The following RAD54B variants were observed in gnomAD, a reference collection of about 807,000 sequenced individuals.
RAD54B encodes the protein RAD54 homolog B, also known as DNA repair and recombination protein RAD54B.
RAD54B carries 78 observed loss-of-function variants against 95.8 expected under a neutral mutation model. The ratio of observed to expected loss-of-function variants is 0.81; its 90% CI spans 0.68 to 0.98. The LOEUF is 0.98. RAD54B is among the 50% of genes least tolerant of loss of function. The probability of loss-of-function intolerance (pLI) is 0.00; values close to 1 mark genes in which losing one functional copy is unlikely to be tolerated. For synonymous variants in RAD54B, 328 were observed against 354.9 expected, an observed-to-expected ratio of 0.92 and a Z score of 0.85; for missense variants, 957 against 1,056.6, an observed-to-expected ratio of 0.91 and a Z score of 1.31.
intron 11 of RAD54B, 61 bp downstream of exon 11, chr8:94,386,923 T>C: frequency 8.3e-7 from 1 of 1,202,378 alleles, no homozygotes; most frequent in Non-Finnish European, 1.1e-6. Context: ...AAGTAGGAAG[T>C]AAAGAAATAG....
At chr8:94,440,840 G>A (rs1316736265) in intron 3 of RAD54B, among the ~76,000 whole-genome samples, 2 of 152,166 alleles carry the variant, frequency 1.3e-5, no homozygotes, top group African/African-American at 4.8e-5. Context: ...CCACCTGAGG[G>A]AAGAGAGAGA....
At chr8:94,420,251 ATTTTTTTTTT>A (rs57897762) in intron 3 of RAD54B, among the ~76,000 whole-genome samples, 3 of 117,034 alleles carry the variant, frequency 2.6e-5, no homozygotes, top group African/African-American at 9.7e-5. Flanking sequence ...AGAAAACTTG[ATTTTTTTTTT>A]TTTTTTTTTT....
At chr8:94,419,831 T>C (rs891016884) in intron 3 of RAD54B, among the ~76,000 whole-genome samples, 1 of 150,390 alleles carries the variant, frequency 6.6e-6, no homozygotes, top group Admixed American at 6.6e-5. Context: ...TCACACTTAC[T>C]AGAAATTATT....
At chr8:94,436,375 A>G (rs970953833) in intron 3 of RAD54B, 2 of 1,268,674 alleles carry the variant, frequency 1.6e-6, no homozygotes, top group African/African-American at 1.5e-5. Context: ...CAAAACAAAG[A>G]CACTATTCAT....
Position 94,430,359 on chromosome 8 carries a change from C to T in RAD54B, c.305-19044G>A, listed in dbSNP as rs188339953. 4.0e-4 allele frequency: 398 copies of T among 983,580 alleles called. 1 individual carries two copies. In the East Asian group the frequency reaches 5.8e-3, roughly 14 times the overall value. The allele number at this position is 983,580 out of a possible 1,614,324, so 60.9% of individuals were successfully genotyped here. A position where few individuals can be genotyped will look rare whatever the true frequency, so the allele number is the denominator to read the frequency against. ...AATGTAATTCATAATCTGGTATCAACCATCATCCAAATTTATATCCCTCAG... is the reference window on the plus strand; with the variant it reads ...AATGTAATTCATAATCTGGTATCAATCATCATCCAAATTTATATCCCTCAG... On this transcript the variant is annotated intron_variant, in intron 3 of 14. Transcript: ENST00000336148.
At chr8:94,385,909 T>C (rs77523598) in intron 11 of RAD54B, among the ~76,000 whole-genome samples, 3,671 of 152,162 alleles carry the variant, frequency 0.024, 150 homozygotes, top group African/African-American at 0.083. Context: ...GAAGGAGTGA[T>C]GAGAGATGAG....
At chr8:94,448,177 A>C (rs1187423161) in intron 3 of RAD54B, among the ~76,000 whole-genome samples, 10 of 152,150 alleles carry the variant, frequency 6.6e-5, no homozygotes, top group African/African-American at 2.4e-4. Flanking sequence ...GTAGAGGCTG[A>C]ATGTCATTAT....
At chr8:94,396,838 T>C (rs1213949195) in intron 8 of RAD54B, among the ~76,000 whole-genome samples, 3 of 152,100 alleles carry the variant, frequency 2.0e-5, no homozygotes, top group Non-Finnish European at 4.4e-5. Flanking sequence ...GATGGGGCCC[T>C]AATCCAATAT....
chr8:94,419,229 G>A (rs576648766), intron 3 of RAD54B, among the ~76,000 whole-genome samples: 9 of 152,172 alleles, frequency 5.9e-5, no homozygotes, highest in South Asian at 4.1e-4. Context: ...AAGCAAAAAG[G>A]TTGGGAGTGG....
chr8:94,389,212 C>T (rs1810959529), intron 10 of RAD54B, among the ~76,000 whole-genome samples: 1 of 152,214 alleles, frequency 6.6e-6, no homozygotes, highest in African/African-American at 2.4e-5. Flanking sequence ...ACCTCAGCCT[C>T]GCAAAGTGCT....
Position 94,411,317 on chromosome 8 carries a change from T to C in RAD54B, c.305-2A>G. ...CTACTTCTTTAGGAGCCGAATGAACTACAATTAAAAAAAAAACACACATTA... is the reference window on the plus strand; with the variant it reads ...CTACTTCTTTAGGAGCCGAATGAACCACAATTAAAAAAAAAACACACATTA... On this transcript the variant is annotated splice_acceptor_variant, in intron 3 of 14. Coordinates refer to ENST00000336148, the MANE Select transcript of RAD54B (RefSeq NM_012415.3). LOFTEE classifies it high-confidence loss of function. 5 of 1,551,556 alleles carry C rather than the reference T, an allele frequency of 3.2e-6. No homozygotes were observed. Among genetic ancestry groups the C allele is most frequent in the Non-Finnish European group, 4.3e-6 (5 of 1,159,396 alleles).
rs1385650309 is a variant in RAD54B at position 94,467,390 on chromosome 8, C to CT, written c.135+14dup. Reference sequence around the variant, plus strand: ...TCTCTATATTATCTATATCATGAGTCTTTTTTTGCCTTACCTCAAATAATT... The same window carrying CT: ...TCTCTATATTATCTATATCATGAGTCTTTTTTTTGCCTTACCTCAAATAATT... On this transcript the variant is annotated intron_variant, in intron 2 of 14. Coordinates refer to ENST00000336148, the MANE Select transcript of RAD54B (RefSeq NM_012415.3). 23 of 1,588,776 alleles carry CT rather than the reference C, an allele frequency of 1.4e-5. No homozygotes were observed. Among genetic ancestry groups the CT allele is most frequent in the South Asian group, 3.4e-5 (3 of 88,034 alleles).
At chr8:94,375,710 T>C (rs952147762) in intron 14 of RAD54B, among the ~76,000 whole-genome samples, 1 of 152,090 alleles carries the variant, frequency 6.6e-6, no homozygotes, top group East Asian at 1.9e-4. Flanking sequence ...TCTGTAACAA[T>C]ACGGAAAGAT....
Position 94,458,342 on chromosome 8 carries a change from T to C in RAD54B, c.230A>G (p.Asn77Ser), listed in dbSNP as rs760816607. The change falls in exon 3 of 15, where the codon AAT becomes AGT. Residue 77 changes from asparagine (N) to serine (S), a missense_variant. Asn to Ser is a conservative substitution (Grantham distance 46, BLOSUM62 1). Transcript: ENST00000336148. ...LPSEESTREI[N>S]NRDNCSGKYC... ...TTTTCCACTGCAATTATCTCTGTTA[T>C]TGATTTCTCTAGTACTTTCTTCACT... The C allele has an allele frequency of 7.5e-6, 12 of 1,610,684 alleles. No individual in the cohort carries two copies. Among genetic ancestry groups the C allele is most frequent in the South Asian group, 5.6e-5 (5 of 89,948 alleles).
In RAD54B at chr8:94,372,056, TA is replaced by T. The variant is rs748990757; in HGVS notation, c.*113del. On this transcript the variant is annotated 3_prime_UTR_variant, in exon 15 of 15. Coordinates refer to ENST00000336148, the MANE Select transcript of RAD54B (RefSeq NM_012415.3). ...TTTGACTATTGTATCAAAAGTGATATATTTTGCAACATATACTGTAATTTAA... is the reference window on the plus strand; with the variant it reads ...TTTGACTATTGTATCAAAAGTGATATTTTTGCAACATATACTGTAATTTAA... 2.1e-6 allele frequency: 3 copies of T among 1,436,522 alleles called. No individual in the cohort carries two copies. The highest frequency in any genetic ancestry group is 2.7e-6 in the Non-Finnish European group (3 of 1,097,542). 89.0% of individuals were successfully genotyped at this position (1,436,522 alleles called of 1,614,324 possible). A position where few individuals can be genotyped will look rare whatever the true frequency, so the allele number is the denominator to read the frequency against.
At chr8:94,457,199 A>C (rs1812796561) in intron 3 of RAD54B, among the ~76,000 whole-genome samples, 1 of 152,182 alleles carries the variant, frequency 6.6e-6, no homozygotes, top group Non-Finnish European at 1.5e-5. Context: ...GGGAAAACAG[A>C]ATAGTCACCT....
Position 94,418,352 on chromosome 8 carries a change from G to A in RAD54B, c.305-7037C>T, listed in dbSNP as rs144135153. On this transcript the variant is annotated intron_variant, in intron 3 of 14. Transcript: ENST00000336148. ...TTTAGACTGACAAATTTTTCTCCACGAAAGGTTGTATCAATGATATTCCCA... is the reference window on the plus strand; with the variant it reads ...TTTAGACTGACAAATTTTTCTCCACAAAAGGTTGTATCAATGATATTCCCA... Among the ~76,000 whole-genome samples, 265 of 152,210 alleles carry A rather than the reference G, an allele frequency of 1.7e-3. 4 individuals are homozygous for A. Among genetic ancestry groups the A allele is most frequent in the African/African-American group, 6.1e-3 (254 of 41,530 alleles).
rs144411216 is a variant in RAD54B at position 94,443,573 on chromosome 8, C to G, written c.304+14695G>C. Among the ~76,000 whole-genome samples, 811 of 151,820 alleles carry G rather than the reference C, an allele frequency of 5.3e-3. 6 individuals are homozygous for G. The highest frequency in any genetic ancestry group is 0.019 in the African/African-American group (783 of 41,408). ...CGGCTAACCCGAGATGGATGCATAA[C>G]TGACTCTTTCCTCTACTCCATCTTT... On this transcript the variant is annotated intron_variant, in intron 3 of 14. Transcript: ENST00000336148.
intron 2 of RAD54B, among the ~76,000 whole-genome samples, chr8:94,463,268 T>TA (rs537405630): frequency 0.059 from 7,308 of 123,482 alleles, 324 homozygotes; most frequent in African/African-American, 0.14. Context: ...GACTTCACCT[T>TA]AAAAAAAAAA....
Sources: gnomAD v4.1 joint callset for allele counts (sites outside exome capture counted in the v4.1 genomes callset) on GRCh38, gnomAD v4.1.1 for gene constraint, MANE v1.5 for transcripts, NCBI Gene and HGNC (gene_info 2026-07-23, HGNC 2026-07-21) for gene names.